CR1L: variants seen among roughly 807,000 people sequenced by gnomAD.
CR1L encodes the protein complement component receptor 1-like protein.
A neutral mutation model predicts 62.3 loss-of-function variants in CR1L; 59 were observed. That is an observed-to-expected ratio of 0.95 (90% CI 0.77 to 1.18). CR1L has a LOEUF of 1.18. Ranked by LOEUF, CR1L falls within the 50% of genes most tolerant of loss-of-function variation. CR1L has a pLI of 0.00. For missense variants in CR1L, 700 were observed against 702.8 expected (o/e 1.00, Z 0.04); for synonymous variants, 279 against 248.7 (o/e 1.12, Z -1.15).
At chr1:207,659,383 G>A (rs1570567) in intron 1 of CR1L, among the ~76,000 whole-genome samples, 72,094 of 152,206 alleles carry the variant, frequency 0.47, 17,629 homozygotes, top group African/African-American at 0.59. Flanking sequence ...ACATCCCCAT[G>A]GCCCTGCATC....
intron 1 of CR1L, among the ~76,000 whole-genome samples, chr1:207,646,710 CAAAAAAAAA>C (rs34443417): frequency 3.1e-5 from 2 of 64,730 alleles, no homozygotes; most frequent in African/African-American, 7.5e-5. Flanking sequence ...GACCCTGTCT[CAAAAAAAAA>C]AAAAAAAAAA....
At chr1:207,668,914 C>T (rs1313056850) in intron 1 of CR1L, among the ~76,000 whole-genome samples, 1 of 150,880 alleles carries the variant, frequency 6.6e-6, no homozygotes, top group Non-Finnish European at 1.5e-5. Context: ...TCTAATTGTC[C>T]TTCCCTTTTT....
At chr1:207,659,060 GC>G in intron 1 of CR1L, 1 of 152,862 alleles carries the variant, frequency 6.5e-6, no homozygotes, top group Non-Finnish European at 1.5e-5. Context: ...CCCTGCCGCC[GC>G]CCCACCTCCC....
chr1:207,654,410 C>G (rs1372086178), intron 1 of CR1L, among the ~76,000 whole-genome samples: 1 of 151,992 alleles, frequency 6.6e-6, no homozygotes, highest in African/African-American at 2.4e-5. Context: ...GAAGTTCTAA[C>G]CTTATTGAGA....
rs145708775 is a variant in CR1L at position 207,695,449 on chromosome 1, A to C, written c.862+698A>C. Among the ~76,000 whole-genome samples the C allele has an allele frequency of 8.6e-3, 1,315 of 152,240 alleles. 20 individuals carry two copies. Among genetic ancestry groups the C allele is most frequent in the African/African-American group, 0.025 (1,020 of 41,558 alleles). On this transcript the variant is annotated intron_variant, in intron 5 of 11. Coordinates refer to ENST00000508064, the MANE Select transcript of CR1L (RefSeq NM_175710.2). ...CTGGCCTCTATGTTTTGCAGAGAAA[A>C]TGTGCCTTAGAGAAATCGGATAACT...
chr1:207,654,112 A>C (rs952445817), intron 1 of CR1L, among the ~76,000 whole-genome samples: 1 of 152,184 alleles, frequency 6.6e-6, no homozygotes, highest in Non-Finnish European at 1.5e-5. Flanking sequence ...TGCCCTAATC[A>C]TTTCTGAAAG....
chr1:207,649,094 G>A (rs1663182494), intron 1 of CR1L, among the ~76,000 whole-genome samples: 1 of 152,140 alleles, frequency 6.6e-6, no homozygotes, highest in South Asian at 2.1e-4. Flanking sequence ...TCCATGCAGG[G>A]GAGAGTCCAG....
At chr1:207,704,345 G>A (rs895051580) in intron 9 of CR1L, among the ~76,000 whole-genome samples, 32 of 152,360 alleles carry the variant, frequency 2.1e-4, no homozygotes, top group African/African-American at 7.2e-4. Context: ...AGCAGAGAAA[G>A]TAGATTTTTG....
chr1:207,670,439 T>C (rs1052534119), intron 1 of CR1L, among the ~76,000 whole-genome samples: 1 of 151,148 alleles, frequency 6.6e-6, no homozygotes, highest in African/African-American at 2.5e-5. Flanking sequence ...CTCTTCCTTT[T>C]TTTAACTTCA....
chr1:207,699,257 G>C lies in CR1L; in HGVS notation c.1211G>C (p.Ser404Thr). The change falls in exon 8 of 12, where the codon AGT becomes ACT. Residue 404 changes from serine (S) to threonine (T), a missense_variant. Ser to Thr is a moderately conservative substitution (Grantham distance 58). Coordinates refer to ENST00000508064, the MANE Select transcript of CR1L (RefSeq NM_175710.2). ...GGAATGGAAAGCCTTTGGAATAGCA[G>C]TGTTCCAGTGTGTGAACGTAAGTAA... ...LAGMESLWNS[S>T]VPVCERKSCE... 6.2e-7 allele frequency: 1 copy of C among 1,613,764 alleles called. No individual in the cohort carries two copies. Among genetic ancestry groups the C allele is most frequent in the Non-Finnish European group, 8.5e-7 (1 of 1,179,658 alleles).
chr1:207,701,390 G>C (rs1664188874), intron 8 of CR1L, 129 bp from the exon 9 acceptor site: 1 of 1,223,150 alleles, frequency 8.2e-7, no homozygotes. Context: ...GTTTTCTCAA[G>C]GTGCCAAAAT....
intron 5 of CR1L, 29 bp from the exon 6 acceptor site, chr1:207,697,474 T>G: frequency 6.2e-7 from 1 of 1,613,646 alleles, no homozygotes; most frequent in South Asian, 1.1e-5. Context: ...TTTCACACAA[T>G]TAGCAGTACT....
chr1:207,710,059 A>C (rs1461628208), intron 10 of CR1L, among the ~76,000 whole-genome samples: 1 of 152,030 alleles, frequency 6.6e-6, no homozygotes, highest in Non-Finnish European at 1.5e-5. Flanking sequence ...ATTTTAAGAA[A>C]CCATGCCGGG....
chr1:207,684,059 TCA>T, intron 4 of CR1L, 102 bp downstream of exon 4: 2 of 1,088,164 alleles, frequency 1.8e-6, no homozygotes, highest in African/African-American at 1.5e-5. Flanking sequence ...AATCTGTACT[TCA>T]CATGGCTGAA....
chr1:207,718,583 G>A (rs1019094494), intron 11 of CR1L, among the ~76,000 whole-genome samples: 1 of 151,992 alleles, frequency 6.6e-6, no homozygotes, highest in Non-Finnish European at 1.5e-5. Context: ...CACCACACCT[G>A]GCTAATTTTT....
intron 4 of CR1L, among the ~76,000 whole-genome samples, chr1:207,687,155 T>C (rs1462375343): frequency 6.6e-6 from 1 of 152,242 alleles, no homozygotes; most frequent in African/African-American, 2.4e-5. Context: ...TCATAAGATT[T>C]TGATATCAAA....
intron 1 of CR1L, among the ~76,000 whole-genome samples, chr1:207,646,710 CAAAAAAAAAA>C (rs34443417): frequency 3.1e-5 from 2 of 64,730 alleles, no homozygotes; most frequent in African/African-American, 1.5e-4. Context: ...GACCCTGTCT[CAAAAAAAAAA>C]AAAAAAAAAA....
intron 4 of CR1L, among the ~76,000 whole-genome samples, chr1:207,688,791 T>A (rs1015217431): frequency 3.3e-5 from 5 of 152,156 alleles, no homozygotes; most frequent in Admixed American, 3.3e-4. Context: ...GTCATGTACA[T>A]CTTTCATTAT....
rs561679157 is a variant in CR1L, at chr1:207,698,354, A to T, written c.1142+481A>T. 2.0e-5 allele frequency among the ~76,000 whole-genome samples: 3 copies of T among 152,322 alleles called. No individual in the cohort carries two copies. In the South Asian group the frequency reaches 6.2e-4, roughly 32 times the overall value. ...TAGGACTGAAAGTGTAAAAATCAGC[A>T]TTTTAAAAAAATCCAGTCATATATC... is the stretch of plus-strand genomic sequence containing the variant. On this transcript the variant is annotated intron_variant, in intron 7 of 11. Transcript: ENST00000508064.
Sources: gnomAD v4.1 joint callset for allele counts (sites outside exome capture counted in the v4.1 genomes callset) on GRCh38, gnomAD v4.1.1 for gene constraint, MANE v1.5 for transcripts, NCBI Gene and HGNC (gene_info 2026-07-23, HGNC 2026-07-21) for gene names.